The following KYAT1 variants were observed in gnomAD, a reference collection of about 807,000 sequenced individuals.
The protein encoded by KYAT1 is kynurenine aminotransferase 1, also known as kynurenine--oxoglutarate transaminase 1.
In KYAT1, 47 loss-of-function variants were observed where a neutral mutation model predicts 52.4. That is an observed-to-expected ratio of 0.90 (90% confidence interval 0.71 to 1.14). The LOEUF (loss-of-function observed/expected upper bound fraction) is 1.14. KYAT1 is among the 50% of genes most tolerant of loss of function. KYAT1 has a pLI of 0.00. For missense variants in KYAT1, 480 were observed against 557.9 expected (o/e 0.86, Z 1.41); for synonymous variants, 212 against 209.6 (o/e 1.01, Z -0.10).
chr9:128,851,258 C>T (rs2119287495), intron 1 of KYAT1, among the ~76,000 whole-genome samples: 1 of 152,208 alleles, frequency 6.6e-6, no homozygotes, highest in South Asian at 2.1e-4. Context: ...CAATATGGGG[C>T]CTTTCTCCAG....
Position 128,838,306 on chromosome 9 carries a change from A to G in KYAT1, c.263T>C (p.Ile88Thr), listed in dbSNP as rs201539765. The change falls in exon 4 of 13, where the codon ATA (isoleucine) becomes ACA (threonine). Residue 88 changes from isoleucine (I) to threonine (T), a missense_variant. By Grantham distance (89) the Ile-to-Thr change is moderately conservative (BLOSUM62 -1). Transcript: ENST00000302586. ...CACCAGCACATTCCTGAGCGGGTCT[A>G]TCTCCTGACCCAGCAGCTCCCCAAA... ...SFFGELLGQE[I>T]DPLRNVLVTV... 5.0e-5 allele frequency: 80 copies of G among 1,614,032 alleles called. No homozygotes were observed. In the African/African-American group the frequency reaches 6.7e-4, roughly 13 times the overall value.
upstream of KYAT1, chr9:128,882,349 A>C: frequency 2.7e-5 from 5 of 185,494 alleles, no homozygotes; most frequent in Non-Finnish European, 3.3e-5. Flanking sequence ...CGCCCGGGGC[A>C]TCTGGGGCTC....
At chr9:128,851,644 T>C (rs1422341868) in intron 1 of KYAT1, among the ~76,000 whole-genome samples, 10 of 152,144 alleles carry the variant, frequency 6.6e-5, no homozygotes, top group Non-Finnish European at 1.3e-4. Context: ...AAAGCAACTT[T>C]AGAACCATTT....
intron 1 of KYAT1, among the ~76,000 whole-genome samples, chr9:128,865,384 C>A (rs1836227855): frequency 8.0e-5 from 4 of 50,044 alleles, no homozygotes; most frequent in South Asian, 7.2e-4. Context: ...TTTTTTGAGA[C>A]AGAGTTTCGC....
At chr9:128,850,962 C>CAT (rs200739615) in intron 1 of KYAT1, among the ~76,000 whole-genome samples, 1 of 152,190 alleles carries the variant, frequency 6.6e-6, no homozygotes, top group African/African-American at 2.4e-5. Context: ...TTAATTATGA[C>CAT]AGATTCTTTT....
At chr9:128,881,716 C>G (rs1838945153) in intron 1 of KYAT1, among the ~76,000 whole-genome samples, 181 bp downstream of exon 1, 1 of 152,184 alleles carries the variant, frequency 6.6e-6, no homozygotes, top group African/African-American at 2.4e-5. Context: ...CGAGAATCAG[C>G]GAGCAGCACG....
At chr9:128,870,327 G>A (rs1304150637) in intron 1 of KYAT1, among the ~76,000 whole-genome samples, 1 of 152,174 alleles carries the variant, frequency 6.6e-6, no homozygotes. Flanking sequence ...GCTGACACAT[G>A]CTGTAACTTA....
At chr9:128,865,992 C>A (rs1294282020) in intron 1 of KYAT1, among the ~76,000 whole-genome samples, 3 of 152,172 alleles carry the variant, frequency 2.0e-5, no homozygotes, top group Admixed American at 1.3e-4. Flanking sequence ...TTTGTTAGAA[C>A]AAAGATTCTC....
At chr9:128,842,420 C>T (rs1832357306) in intron 3 of KYAT1, among the ~76,000 whole-genome samples, 1 of 152,200 alleles carries the variant, frequency 6.6e-6, no homozygotes, top group Non-Finnish European at 1.5e-5. Flanking sequence ...TCCCATCCTC[C>T]TCCATCACAT....
chr9:128,879,808 G>A (rs72758877), intron 1 of KYAT1, among the ~76,000 whole-genome samples: 1,744 of 152,254 alleles, frequency 0.011, 11 homozygotes, highest in Non-Finnish European at 0.019. Context: ...CTGGGCTTCC[G>A]CCCTCAAAGT....
intron 1 of KYAT1, among the ~76,000 whole-genome samples, chr9:128,851,081 G>C (rs376095457): frequency 6.6e-6 from 1 of 152,134 alleles, no homozygotes; most frequent in South Asian, 2.1e-4. Context: ...GAAACTCAGA[G>C]ACCGGTACTG....
At chr9:128,837,288 C>T (rs560701110) in intron 6 of KYAT1, among the ~76,000 whole-genome samples, 8 of 152,138 alleles carry the variant, frequency 5.3e-5, no homozygotes, top group South Asian at 2.1e-4. Context: ...AGCGAGACTC[C>T]GTCTCAAAAA....
At chr9:128,856,861 G>A (rs533035686) in intron 1 of KYAT1, among the ~76,000 whole-genome samples, 1 of 152,346 alleles carries the variant, frequency 6.6e-6, no homozygotes, top group Admixed American at 6.5e-5. Flanking sequence ...AGACCTGACT[G>A]TCCCCCAGCC....
intron 1 of KYAT1, among the ~76,000 whole-genome samples, chr9:128,851,085 G>T (rs184816064): frequency 1.3e-5 from 2 of 152,294 alleles, no homozygotes. Flanking sequence ...CTCAGAGACC[G>T]GTACTGGTGC....
chr9:128,860,976 T>A (rs1042792598), intron 1 of KYAT1, among the ~76,000 whole-genome samples: 2 of 152,128 alleles, frequency 1.3e-5, no homozygotes, highest in African/African-American at 4.8e-5. Flanking sequence ...TCAGACATAA[T>A]AATAATGATA....
chr9:128,851,433 C>A (rs374793347), intron 1 of KYAT1, among the ~76,000 whole-genome samples: 3 of 152,190 alleles, frequency 2.0e-5, no homozygotes, highest in Admixed American at 2.0e-4. Flanking sequence ...CATTAAAATT[C>A]TCTTAAGAAG....
At chr9:128,878,968 C>A (rs1838409275) in intron 1 of KYAT1, among the ~76,000 whole-genome samples, 1 of 152,156 alleles carries the variant, frequency 6.6e-6, no homozygotes. Flanking sequence ...CACCAGGAGG[C>A]CCCCAGCTGC....
At chr9:128,861,671 G>T (rs1005801618) in intron 1 of KYAT1, among the ~76,000 whole-genome samples, 5 of 152,196 alleles carry the variant, frequency 3.3e-5, no homozygotes, top group Non-Finnish European at 7.3e-5. Context: ...GCAACAAAGG[G>T]TAGTGTTACT....
chr9:128,833,964 T>C (rs1284399939), intron 11 of KYAT1, 138 bp from the exon 12 acceptor site: 4 of 664,542 alleles, frequency 6.0e-6, no homozygotes, highest in Non-Finnish European at 1.0e-5. Context: ...TGCATCAAAG[T>C]CAGAGGAACA....
Sources: allele counts gnomAD v4.1 joint callset (sites outside exome capture counted in the v4.1 genomes callset), GRCh38; gene constraint gnomAD v4.1.1; transcripts MANE v1.5; gene names NCBI Gene and HGNC (gene_info 2026-07-23, HGNC 2026-07-21).